FRMD4A: variants seen among roughly 807,000 people sequenced by gnomAD.
FRMD4A encodes the protein FERM domain containing 4A.
FRMD4A carries 29 observed loss-of-function variants against 129.1 expected under a neutral mutation model. That is an observed-to-expected ratio of 0.22 (90% confidence interval 0.17 to 0.31). The LOEUF (loss-of-function observed/expected upper bound fraction) is 0.31. FRMD4A is among the 10% of genes least tolerant of loss of function. The pLI is 1.00. For synonymous variants in FRMD4A, 634 were observed against 571.6 expected (o/e 1.11, Z -1.56); for missense variants, 1,272 against 1,375.8 (o/e 0.92, Z 1.19).
intron 2 of FRMD4A, among the ~76,000 whole-genome samples, chr10:13,913,072 T>TA (rs533215051): frequency 0.12 from 14,852 of 126,536 alleles, 979 homozygotes; most frequent in Non-Finnish European, 0.17. Flanking sequence ...AAACTCCATT[T>TA]AAAAAAAAAA....
At chr10:13,967,265 A>G (rs2095491166) in intron 2 of FRMD4A, among the ~76,000 whole-genome samples, 1 of 152,062 alleles carries the variant, frequency 6.6e-6, no homozygotes, top group African/African-American at 2.4e-5. Context: ...TGAACCCGGG[A>G]GGCGGAGCTT....
chr10:14,297,799 G>T (rs1335579757), intron 2 of FRMD4A, among the ~76,000 whole-genome samples: 1 of 151,926 alleles, frequency 6.6e-6, no homozygotes, highest in African/African-American at 2.4e-5. Context: ...GAGCCCCTGG[G>T]AGTCCAAGGA....
At chr10:13,966,370 G>A (rs568857400) in intron 2 of FRMD4A, among the ~76,000 whole-genome samples, 1 of 152,078 alleles carries the variant, frequency 6.6e-6, no homozygotes, top group African/African-American at 2.4e-5. Context: ...AAGCAATGGC[G>A]GTTTTTGCTG....
intron 3 of FRMD4A, among the ~76,000 whole-genome samples, chr10:13,812,484 A>G (rs1035514157): frequency 6.6e-5 from 10 of 152,358 alleles, no homozygotes; most frequent in Non-Finnish European, 8.8e-5. Flanking sequence ...TACAACAGAC[A>G]TTTATTTATT....
chr10:14,106,019 T>C (rs1379347621), intron 2 of FRMD4A, among the ~76,000 whole-genome samples: 1 of 152,228 alleles, frequency 6.6e-6, no homozygotes, highest in African/African-American at 2.4e-5. Context: ...TCTTTAGGGA[T>C]TGCAAATGTT....
At chr10:13,847,180 G>T (rs373979914) in intron 3 of FRMD4A, among the ~76,000 whole-genome samples, 2 of 152,146 alleles carry the variant, frequency 1.3e-5, no homozygotes, top group Non-Finnish European at 2.9e-5. Flanking sequence ...GATGGGCTTC[G>T]GTTGCCATGA....
intron 2 of FRMD4A, among the ~76,000 whole-genome samples, chr10:14,203,590 C>T (rs1284163474): frequency 6.6e-6 from 1 of 152,226 alleles, no homozygotes; most frequent in African/African-American, 2.4e-5. Context: ...TAAATTTGCC[C>T]TTACTTTCTT....
chr10:14,078,006 C>G (rs1835710196), intron 2 of FRMD4A, among the ~76,000 whole-genome samples: 1 of 152,172 alleles, frequency 6.6e-6, no homozygotes, highest in South Asian at 2.1e-4. Context: ...ATTGTGAAAA[C>G]TATTACATGA....
At chr10:13,738,179 C>T (rs184211091) in intron 11 of FRMD4A, among the ~76,000 whole-genome samples, 263 of 152,208 alleles carry the variant, frequency 1.7e-3, no homozygotes, top group African/African-American at 6.0e-3. Flanking sequence ...GCCGCACAGC[C>T]GAGGTCCTTT....
In FRMD4A at chr10:13,656,995, G is replaced by T; in HGVS notation, c.2594C>A (p.Ala865Asp). The change falls in exon 22 of 25, where the codon GCT (alanine) becomes GAT (aspartate). Residue 865 changes from alanine to aspartate, a missense_variant. Ala to Asp is a moderately radical substitution (Grantham distance 126). This residue lies in a region of FRMD4A where 972 missense variants were observed against 892.3 expected (regional missense o/e 1.09). Transcript: ENST00000357447. ...SDQEGHYSVK[A>D]QFKTSNSYTA... ...GTAGGAGTTGGACGTCTTGAACTGA[G>T]CCTTGACGCTGTAGTGGCCCTCCTG... is the stretch of plus-strand genomic sequence containing the variant. 6.4e-7 allele frequency: 1 copy of T among 1,565,234 alleles called. No homozygotes were observed. Among genetic ancestry groups the T allele is most frequent in the Non-Finnish European group, 8.6e-7 (1 of 1,162,918 alleles).
At chr10:13,958,194 T>C (rs2926875) in intron 2 of FRMD4A, among the ~76,000 whole-genome samples, 1 of 151,546 alleles carries the variant, frequency 6.6e-6, no homozygotes, top group East Asian at 1.9e-4. Flanking sequence ...TTCTTTCTCG[T>C]TATCAGCACA....
chr10:13,932,403 GC>G (rs1456293989), intron 2 of FRMD4A, among the ~76,000 whole-genome samples: 2 of 152,090 alleles, frequency 1.3e-5, no homozygotes, highest in African/African-American at 4.8e-5. Context: ...TCTCCTGAAA[GC>G]CCCTTCTGGA....
intron 2 of FRMD4A, among the ~76,000 whole-genome samples, chr10:13,871,417 A>T (rs897022959): frequency 3.9e-5 from 6 of 152,000 alleles, no homozygotes; most frequent in Non-Finnish European, 7.4e-5. Context: ...GTTCCTTTTT[A>T]AAAAAAATCT....
At chr10:14,226,465 A>G (rs1254614793) in intron 2 of FRMD4A, among the ~76,000 whole-genome samples, 2 of 152,196 alleles carry the variant, frequency 1.3e-5, no homozygotes, top group Admixed American at 1.3e-4. Flanking sequence ...ATAGAAATGT[A>G]CAGTCTCACA....
intron 2 of FRMD4A, among the ~76,000 whole-genome samples, chr10:14,027,356 T>C (rs930912278): frequency 6.6e-6 from 1 of 152,154 alleles, no homozygotes; most frequent in African/African-American, 2.4e-5. Context: ...AAACAGTCAA[T>C]GCGGCCGGGC....
At chr10:14,060,408 A>G (rs1834752391) in intron 2 of FRMD4A, among the ~76,000 whole-genome samples, 1 of 152,196 alleles carries the variant, frequency 6.6e-6, no homozygotes, top group African/African-American at 2.4e-5. Context: ...CCTGTTTTGC[A>G]TAAGAGAAAA....
intron 2 of FRMD4A, among the ~76,000 whole-genome samples, chr10:14,095,094 G>A (rs1836881058): frequency 6.6e-6 from 1 of 152,160 alleles, no homozygotes; most frequent in African/African-American, 2.4e-5. Context: ...GATGTGAATT[G>A]ACTCTGAAGG....
At chr10:13,756,784 G>A (rs80291388) in intron 8 of FRMD4A, among the ~76,000 whole-genome samples, 8,173 of 152,216 alleles carry the variant, frequency 0.054, 314 homozygotes, top group Non-Finnish European at 0.085. Flanking sequence ...TTTCAGTTAA[G>A]GTCCCTTATA....
chr10:13,702,645 G>A lies in FRMD4A; in HGVS notation c.837-1167C>T, dbSNP rs573844136. On this transcript the variant is annotated intron_variant, in intron 13 of 24. Coordinates refer to ENST00000357447, the MANE Select transcript of FRMD4A (RefSeq NM_018027.5). ...TTTACATGGACATCAGAAACAAAAT[G>A]TATGTTCTCAAGACTAACATATCTA... 2.6e-5 allele frequency among the ~76,000 whole-genome samples: 4 copies of A among 152,178 alleles called. No individual in the cohort carries two copies. In the East Asian group the frequency reaches 5.8e-4, roughly 22 times the overall value.
Sources: allele counts gnomAD v4.1 joint callset (sites outside exome capture counted in the v4.1 genomes callset), GRCh38; gene constraint gnomAD v4.1.1; regional missense constraint gnomAD v4.1.1; transcripts MANE v1.5; gene names NCBI Gene and HGNC (gene_info 2026-07-23, HGNC 2026-07-21).